The following SORCS1 variants were observed in gnomAD, a reference collection of about 807,000 sequenced individuals.
SORCS1 encodes the protein VPS10 domain-containing receptor SorCS1.
Under a neutral mutation model 146.1 loss-of-function variants are expected in SORCS1, and 60 were observed. The observed-to-expected ratio is 0.41, with a 90% CI of 0.33 to 0.51. The LOEUF is 0.51. Ranked by LOEUF, SORCS1 falls within the 20% of genes least tolerant of loss-of-function variation. The pLI is 0.21. For synonymous variants in SORCS1, 637 were observed against 584.0 expected (o/e 1.09, Z -1.31); for missense variants, 1,352 against 1,487.6 (o/e 0.91, Z 1.50).
At chr10:106,938,157 G>A (rs927138437) in intron 2 of SORCS1, among the ~76,000 whole-genome samples, 4 of 152,068 alleles carry the variant, frequency 2.6e-5, no homozygotes, top group South Asian at 2.1e-4. Flanking sequence ...CTGGCAGGGA[G>A]TGTCAAATCA....
intron 1 of SORCS1, among the ~76,000 whole-genome samples, chr10:107,123,815 C>T (rs1441482267): frequency 6.6e-6 from 1 of 151,726 alleles, no homozygotes; most frequent in South Asian, 2.1e-4. Context: ...TGGTGGCTCA[C>T]GCCTGTAATC....
chr10:106,764,290 C>T (rs1446839166), intron 4 of SORCS1, among the ~76,000 whole-genome samples: 1 of 152,142 alleles, frequency 6.6e-6, no homozygotes, highest in African/African-American at 2.4e-5. Context: ...TGGTGTTATA[C>T]CGACCAAAAA....
intron 1 of SORCS1, among the ~76,000 whole-genome samples, chr10:107,081,780 T>C (rs1963353126): frequency 6.6e-6 from 1 of 152,166 alleles, no homozygotes; most frequent in Admixed American, 6.5e-5. Context: ...TCAAAGATAA[T>C]TGGCCCTTCC....
chr10:106,952,267 A>G (rs1197596697), intron 2 of SORCS1, among the ~76,000 whole-genome samples: 1 of 152,158 alleles, frequency 6.6e-6, no homozygotes, highest in African/African-American at 2.4e-5. Flanking sequence ...CAGTGACCAG[A>G]AGGGCTGAGA....
Position 106,960,979 on chromosome 10 carries a change from G to C in SORCS1, c.559-4399C>G, listed in dbSNP as rs1313078755. ...TCAACTCTAGCCCTCACTCCTTCTG[G>C]ATAGGGAGTTGAGAAACCATCACAA... On this transcript the variant is annotated intron_variant, in intron 1 of 25. Coordinates refer to ENST00000263054, the MANE Select transcript of SORCS1 (RefSeq NM_052918.5). This position sits in a 1 kb window ranked among gnomAD's most constrained non-coding sequence, Gnocchi z 4.4. Among the ~76,000 whole-genome samples, 1 of 152,106 alleles carries C rather than the reference G, an allele frequency of 6.6e-6. No homozygotes were observed. Among genetic ancestry groups the C allele is most frequent in the Non-Finnish European group, 1.5e-5 (1 of 68,024 alleles).
At chr10:106,904,776 T>C (rs974983511) in intron 2 of SORCS1, among the ~76,000 whole-genome samples, 3 of 152,170 alleles carry the variant, frequency 2.0e-5, no homozygotes, top group Admixed American at 2.0e-4. Flanking sequence ...AGATATTCCA[T>C]CTAGACTAAG....
intron 2 of SORCS1, among the ~76,000 whole-genome samples, chr10:106,916,112 T>C (rs1228804988): frequency 1.3e-5 from 2 of 152,082 alleles, no homozygotes; most frequent in South Asian, 2.1e-4. Flanking sequence ...TCCTCTAGCA[T>C]AGGCTTTCAT....
intron 1 of SORCS1, among the ~76,000 whole-genome samples, chr10:107,027,459 A>T (rs142814176): frequency 2.0e-5 from 3 of 152,286 alleles, no homozygotes; most frequent in African/African-American, 7.2e-5. Context: ...GAATCAGGCA[A>T]TCCGTGTAAC....
intron 2 of SORCS1, among the ~76,000 whole-genome samples, chr10:106,948,679 G>A (rs2138865097): frequency 6.6e-6 from 1 of 152,002 alleles, no homozygotes; most frequent in African/African-American, 2.4e-5. Flanking sequence ...TTAACTGTAG[G>A]CCGGGCGCAG....
At chr10:107,164,922 G>T (rs1590287658), upstream of SORCS1, among the ~76,000 whole-genome samples, 1 of 149,082 alleles carries the variant, frequency 6.7e-6, no homozygotes, top group East Asian at 2.0e-4. This position sits in a 1 kb window ranked among gnomAD's most constrained non-coding sequence, Gnocchi z 6.8. Flanking sequence ...CGGCCTCGCA[G>T]GCGCTGCCGC....
intron 1 of SORCS1, among the ~76,000 whole-genome samples, chr10:107,148,938 C>T (rs1968549431): frequency 6.6e-6 from 1 of 152,218 alleles, no homozygotes; most frequent in East Asian, 1.9e-4. Context: ...AATTCCTAAA[C>T]TGATTCTCTA....
intron 14 of SORCS1, among the ~76,000 whole-genome samples, chr10:106,673,731 A>G (rs1851790297): frequency 6.6e-6 from 1 of 152,184 alleles, no homozygotes; most frequent in South Asian, 2.1e-4. Flanking sequence ...GCCCCTAGTG[A>G]AAGTGATCAG....
chr10:107,061,586 C>T (rs1040715557), intron 1 of SORCS1, among the ~76,000 whole-genome samples: 4 of 152,142 alleles, frequency 2.6e-5, no homozygotes, highest in Non-Finnish European at 5.9e-5. Context: ...GCAAAAGCTC[C>T]ATAACTCGTT....
intron 1 of SORCS1, among the ~76,000 whole-genome samples, chr10:106,959,191 G>A (rs754223118): frequency 1.5e-4 from 23 of 152,112 alleles, no homozygotes; most frequent in Non-Finnish European, 2.9e-4. Flanking sequence ...ACCGCTCCCT[G>A]CCTCTTCTTG....
intron 1 of SORCS1, among the ~76,000 whole-genome samples, chr10:106,957,644 G>A (rs1472929705): frequency 6.6e-6 from 1 of 151,980 alleles, no homozygotes; most frequent in Non-Finnish European, 1.5e-5. Flanking sequence ...GATAATTACC[G>A]TGTAATATAT....
chr10:106,924,419 A>C (rs1017597083), intron 2 of SORCS1, among the ~76,000 whole-genome samples: 1 of 152,188 alleles, frequency 6.6e-6, no homozygotes, highest in Admixed American at 6.5e-5. Context: ...AAAACATGCA[A>C]ATAAAATTTT....
At chr10:107,068,139 C>T (rs1466945623) in intron 1 of SORCS1, among the ~76,000 whole-genome samples, 1 of 152,132 alleles carries the variant, frequency 6.6e-6, no homozygotes. Context: ...AATCATCATC[C>T]TCCTTCCCCT....
At chr10:107,178,931 T>G in the SORCS1 span, among the ~76,000 whole-genome samples, 115,922 of 152,010 alleles carry the variant, frequency 0.76, 44,898 homozygotes, top group Middle Eastern at 0.86. Flanking sequence ...ACATGAGGGT[T>G]CAGGTATTCC....
chr10:106,744,868 A>G (rs1857606478), intron 5 of SORCS1, among the ~76,000 whole-genome samples: 1 of 152,180 alleles, frequency 6.6e-6, no homozygotes, highest in African/African-American at 2.4e-5. Flanking sequence ...CCAACTGAAC[A>G]AAGAGGAAAG....
Sources: gnomAD v4.1 joint callset for allele counts (sites outside exome capture counted in the v4.1 genomes callset) on GRCh38, gnomAD v4.1.1 for gene constraint, Gnocchi (gnomAD v3.1) non-coding constraint, MANE v1.5 for transcripts, NCBI Gene and HGNC (gene_info 2026-07-23, HGNC 2026-07-21) for gene names.